The following ATG7 variants were observed in gnomAD, a reference collection of about 807,000 sequenced individuals.
The protein encoded by ATG7 is ubiquitin-like modifier-activating enzyme ATG7.
ATG7 carries 70 observed loss-of-function variants against 82.4 expected under a neutral mutation model. The ratio of observed to expected loss-of-function variants is 0.85; its 90% CI spans 0.70 to 1.04. The LOEUF (loss-of-function observed/expected upper bound fraction) is 1.04, where lower values mean the gene tolerates loss of function less well. ATG7 is among the 50% of genes least tolerant of loss of function. The probability of loss-of-function intolerance (pLI) is 0.00; values close to 1 mark genes in which losing one functional copy is unlikely to be tolerated. For missense variants in ATG7, 792 were observed against 864.3 expected (o/e 0.92, Z 1.05); for synonymous variants, 287 against 313.0 (o/e 0.92, Z 0.88).
chr3:11,345,849 A>G (rs896140886), intron 13 of ATG7, among the ~76,000 whole-genome samples: 4 of 152,206 alleles, frequency 2.6e-5, no homozygotes, highest in Non-Finnish European at 5.9e-5. Context: ...AGATTTTCCT[A>G]ACATTTTTCA....
chr3:11,571,369 C>G, the ATG7 span, among the ~76,000 whole-genome samples: 17 of 152,312 alleles, frequency 1.1e-4, no homozygotes, highest in East Asian at 3.3e-3. Flanking sequence ...CATCCACCCA[C>G]GTAATGTTTC....
chr3:11,430,913 G>T (rs967428581), intron 20 of ATG7, among the ~76,000 whole-genome samples: 1 of 152,190 alleles, frequency 6.6e-6, no homozygotes, highest in African/African-American at 2.4e-5. Context: ...TTGGATTTTG[G>T]CAGAGAAAGA....
chr3:11,306,771 T>C (rs996786684), intron 5 of ATG7, among the ~76,000 whole-genome samples, 172 bp from the exon 6 acceptor site: 1 of 152,134 alleles, frequency 6.6e-6, no homozygotes, highest in African/African-American at 2.4e-5. Flanking sequence ...ATGGTGCCTG[T>C]TTTTTAGTTC....
At chr3:11,509,240 T>TA (rs2091914917) in intron 20 of ATG7, among the ~76,000 whole-genome samples, 1 of 152,212 alleles carries the variant, frequency 6.6e-6, no homozygotes, top group Non-Finnish European at 1.5e-5. Context: ...AAGCAGTACT[T>TA]AGAGGCCAAC....
At chr3:11,404,115 A>T (rs1236865917) in intron 19 of ATG7, among the ~76,000 whole-genome samples, 1 of 145,890 alleles carries the variant, frequency 6.9e-6, no homozygotes, top group Non-Finnish European at 1.5e-5. Context: ...CCTGCTTATT[A>T]ACCAGCTCAA....
chr3:11,341,931 G>A (rs946918360), intron 12 of ATG7, among the ~76,000 whole-genome samples: 2 of 152,098 alleles, frequency 1.3e-5, no homozygotes, highest in African/African-American at 4.8e-5. Flanking sequence ...CAAATCTGTG[G>A]CCCCCTCGTT....
chr3:11,537,066 C>T (rs973735182), intron 20 of ATG7, among the ~76,000 whole-genome samples: 7 of 152,246 alleles, frequency 4.6e-5, no homozygotes, highest in Non-Finnish European at 1.0e-4. Context: ...GACCTCCATC[C>T]CTCTGCACAG....
At chr3:11,574,837 G>A in the ATG7 span, among the ~76,000 whole-genome samples, 6,779 of 141,852 alleles carry the variant, frequency 0.048, 550 homozygotes, top group African/African-American at 0.17. Flanking sequence ...GTGTGTGTGT[G>A]TATTTTAAAA....
At chr3:11,542,988 T>A (rs753819119) in intron 20 of ATG7, among the ~76,000 whole-genome samples, 11 of 152,124 alleles carry the variant, frequency 7.2e-5, no homozygotes, top group African/African-American at 2.7e-4. Flanking sequence ...GGAGGTGGCA[T>A]GCCAGCCCAC....
chr3:11,414,246 A>G (rs916754032), intron 19 of ATG7, among the ~76,000 whole-genome samples: 4 of 152,020 alleles, frequency 2.6e-5, no homozygotes, highest in African/African-American at 9.7e-5. Context: ...TTAAATTTTT[A>G]GTAGAGATGG....
At chr3:11,548,130 C>T (rs539363052) in intron 20 of ATG7, among the ~76,000 whole-genome samples, 2 of 152,302 alleles carry the variant, frequency 1.3e-5, no homozygotes, top group South Asian at 4.1e-4. Flanking sequence ...AGGCATGAGC[C>T]ACCACGCTTG....
At chr3:11,552,384 T>C (rs1304385261) in intron 20 of ATG7, among the ~76,000 whole-genome samples, 2 of 152,348 alleles carry the variant, frequency 1.3e-5, no homozygotes, top group African/African-American at 2.4e-5. Flanking sequence ...GCCAGTTTAC[T>C]ATGATCTTCA....
At chr3:11,411,930 C>T (rs1290123843) in intron 19 of ATG7, among the ~76,000 whole-genome samples, 1 of 150,474 alleles carries the variant, frequency 6.6e-6, no homozygotes, top group Non-Finnish European at 1.5e-5. Context: ...CCTTCTTTTG[C>T]CTGTGGATAT....
At chr3:11,340,794 G>A (rs2152773266) in intron 12 of ATG7, 59 bp downstream of exon 12, 7 of 1,466,230 alleles carry the variant, frequency 4.8e-6, no homozygotes, top group South Asian at 1.2e-5. Context: ...CACACACCAA[G>A]TTCTGTCAGG....
At chr3:11,484,053 C>T (rs1430542628) in intron 20 of ATG7, among the ~76,000 whole-genome samples, 1 of 152,084 alleles carries the variant, frequency 6.6e-6, no homozygotes, top group Non-Finnish European at 1.5e-5. Flanking sequence ...GGTAGTATTG[C>T]ACAAAGGATA....
intron 20 of ATG7, among the ~76,000 whole-genome samples, chr3:11,460,279 A>G (rs2086180833): frequency 6.6e-6 from 1 of 152,186 alleles, no homozygotes; most frequent in South Asian, 2.1e-4. Flanking sequence ...TACATAGGCC[A>G]TGTGTCCTCT....
intron 20 of ATG7, among the ~76,000 whole-genome samples, chr3:11,508,111 T>C (rs2091844977): frequency 6.6e-6 from 1 of 152,120 alleles, no homozygotes; most frequent in African/African-American, 2.4e-5. Context: ...AAAAATGTGC[T>C]GTTTACTCTC....
intron 20 of ATG7, among the ~76,000 whole-genome samples, chr3:11,463,923 A>G (rs1028243179): frequency 6.6e-6 from 1 of 152,216 alleles, no homozygotes; most frequent in Non-Finnish European, 1.5e-5. Context: ...TGGGGGAAAA[A>G]GCAGTTTCCA....
chr3:11,358,872 C>T (rs1452384061), intron 15 of ATG7, among the ~76,000 whole-genome samples: 1 of 152,190 alleles, frequency 6.6e-6, no homozygotes, highest in Non-Finnish European at 1.5e-5. Context: ...TACATTAAAA[C>T]GTAAGCTCCA....
Sources: allele counts gnomAD v4.1 joint callset (sites outside exome capture counted in the v4.1 genomes callset), GRCh38; gene constraint gnomAD v4.1.1; transcripts MANE v1.5; gene names NCBI Gene and HGNC (gene_info 2026-07-23, HGNC 2026-07-21).